Variants in CHSY3 observed in about 807,000 individuals in gnomAD.
The protein encoded by CHSY3 is N-acetylgalactosaminyl-proteoglycan 3-beta-glucuronosyltransferase 3.
A neutral mutation model predicts 67.2 loss-of-function variants in CHSY3; 35 were observed. The ratio of observed to expected loss-of-function variants is 0.52; its 90% CI spans 0.40 to 0.69. The LOEUF is 0.69. Ranked by LOEUF, CHSY3 falls within the 30% of genes least tolerant of loss-of-function variation. CHSY3 has a pLI of 0.00. For missense variants in CHSY3, 1,069 were observed against 1,138.5 expected, an observed-to-expected ratio of 0.94 and a Z score of 0.88; for synonymous variants, 474 against 434.7, an observed-to-expected ratio of 1.09 and a Z score of -1.12.
At chr5:130,121,474 A>C (rs969180023) in intron 2 of CHSY3, among the ~76,000 whole-genome samples, 4 of 152,128 alleles carry the variant, frequency 2.6e-5, no homozygotes. Context: ...CAGAGTATAA[A>C]TCTATTAAAG....
chr5:130,162,440 C>G (rs1334985353), intron 2 of CHSY3, among the ~76,000 whole-genome samples: 5 of 152,158 alleles, frequency 3.3e-5, no homozygotes, highest in African/African-American at 7.2e-5. Flanking sequence ...TCGATGGACT[C>G]TCAGTACAAT....
rs543210959 is a variant in CHSY3, at chr5:130,137,803, G to T, written c.1087-46426G>T. On this transcript the variant is annotated intron_variant, in intron 2 of 2. Coordinates refer to ENST00000305031, the MANE Select transcript of CHSY3 (RefSeq NM_175856.5). ...TGGCTACAGTGTGAGAAGGAAGACA[G>T]TTGTTTACAGTAGCAACTGTAACGT... Among the ~76,000 whole-genome samples the T allele has an allele frequency of 3.3e-5, 5 of 152,328 alleles. 1 individual carries two copies. Among genetic ancestry groups the T allele is most frequent in the African/African-American group, 1.2e-4 (5 of 41,586 alleles).
chr5:130,130,943 C>T (rs536406568), intron 2 of CHSY3, among the ~76,000 whole-genome samples: 9 of 152,210 alleles, frequency 5.9e-5, no homozygotes, highest in African/African-American at 2.2e-4. Flanking sequence ...TCTCCATAAC[C>T]TCAGGATTCC....
intron 2 of CHSY3, among the ~76,000 whole-genome samples, chr5:129,952,070 A>C (rs1762039350): frequency 6.6e-6 from 1 of 152,202 alleles, no homozygotes; most frequent in Non-Finnish European, 1.5e-5. Flanking sequence ...AGAACCCATA[A>C]ATATTCAAGG....
At chr5:130,053,346 G>A (rs1765424475) in intron 2 of CHSY3, among the ~76,000 whole-genome samples, 1 of 152,048 alleles carries the variant, frequency 6.6e-6, no homozygotes, top group Non-Finnish European at 1.5e-5. Context: ...AAGGAAGCAA[G>A]AACTATAATC....
intron 2 of CHSY3, among the ~76,000 whole-genome samples, chr5:130,180,337 T>C (rs754902668): frequency 2.0e-5 from 3 of 152,158 alleles, no homozygotes; most frequent in Non-Finnish European, 2.9e-5. Flanking sequence ...TTCCCTATTG[T>C]TTTCTAAATA....
chr5:130,134,419 T>C (rs17635914), intron 2 of CHSY3, among the ~76,000 whole-genome samples: 6,887 of 152,292 alleles, frequency 0.045, 427 homozygotes, highest in East Asian at 0.27. Context: ...CAATGGCAGG[T>C]AATAATCAAA....
At chr5:130,126,756 T>A (rs1768304952) in intron 2 of CHSY3, among the ~76,000 whole-genome samples, 2 of 152,220 alleles carry the variant, frequency 1.3e-5, no homozygotes, top group South Asian at 4.1e-4. Flanking sequence ...GACTATATAA[T>A]ATCATATAAA....
chr5:130,009,893 G>A (rs927859613), intron 2 of CHSY3, among the ~76,000 whole-genome samples: 2 of 152,042 alleles, frequency 1.3e-5, no homozygotes, highest in South Asian at 2.1e-4. Flanking sequence ...CACAAAGAGG[G>A]TTATTACATA....
chr5:130,058,168 T>A (rs1765596955), intron 2 of CHSY3, among the ~76,000 whole-genome samples: 1 of 152,208 alleles, frequency 6.6e-6, no homozygotes, highest in Non-Finnish European at 1.5e-5. Context: ...TCACTATACT[T>A]AACAACAATC....
At chr5:130,106,706 G>A (rs1222873043) in intron 2 of CHSY3, among the ~76,000 whole-genome samples, 1 of 151,426 alleles carries the variant, frequency 6.6e-6, no homozygotes, top group African/African-American at 2.4e-5. Flanking sequence ...TCATTGTTAT[G>A]TTGTCTGTCT....
At chr5:130,062,001 T>G (rs905478371) in intron 2 of CHSY3, among the ~76,000 whole-genome samples, 5 of 151,988 alleles carry the variant, frequency 3.3e-5, no homozygotes, top group Admixed American at 1.3e-4. Context: ...TGAAGATTTA[T>G]CAAAGAACTA....
chr5:130,170,129 C>T (rs377493969), intron 2 of CHSY3, among the ~76,000 whole-genome samples: 12 of 152,082 alleles, frequency 7.9e-5, no homozygotes, highest in African/African-American at 2.9e-4. Flanking sequence ...TACCCTTGCC[C>T]CCTTTCCACC....
intron 2 of CHSY3, among the ~76,000 whole-genome samples, chr5:130,136,308 G>A (rs1768659055): frequency 6.6e-6 from 1 of 152,178 alleles, no homozygotes; most frequent in Non-Finnish European, 1.5e-5. Flanking sequence ...TCAGCATAAT[G>A]TATTTGGGAA....
chr5:130,068,345 T>C (rs756028594), intron 2 of CHSY3, among the ~76,000 whole-genome samples: 1 of 152,144 alleles, frequency 6.6e-6, no homozygotes, highest in African/African-American at 2.4e-5. Flanking sequence ...CTGCATTGAA[T>C]TGATGCCTCT....
chr5:130,122,798 T>C (rs1768090003), intron 2 of CHSY3, among the ~76,000 whole-genome samples: 1 of 152,240 alleles, frequency 6.6e-6, no homozygotes, highest in South Asian at 2.1e-4. Flanking sequence ...AGTGTGTTTT[T>C]CTTCGTGTCA....
chr5:129,954,543 A>G (rs1431478215), intron 2 of CHSY3, among the ~76,000 whole-genome samples: 2 of 151,676 alleles, frequency 1.3e-5, no homozygotes, highest in African/African-American at 2.4e-5. Flanking sequence ...CTTGATGGGG[A>G]TAGCATTGAA....
chr5:130,058,728 C>T (rs1207822572), intron 2 of CHSY3, among the ~76,000 whole-genome samples: 1 of 152,228 alleles, frequency 6.6e-6, no homozygotes, highest in Non-Finnish European at 1.5e-5. Context: ...TGTCATATTA[C>T]CACAAACTGG....
intron 2 of CHSY3, among the ~76,000 whole-genome samples, chr5:130,120,334 A>T (rs1767967433): frequency 1.3e-5 from 2 of 152,120 alleles, no homozygotes; most frequent in South Asian, 4.2e-4. Flanking sequence ...ATTAAACCAG[A>T]TAATAGCACG....
Sources: gnomAD v4.1 joint callset for allele counts (sites outside exome capture counted in the v4.1 genomes callset) on GRCh38, gnomAD v4.1.1 for gene constraint, MANE v1.5 for transcripts, NCBI Gene and HGNC (gene_info 2026-07-23, HGNC 2026-07-21) for gene names.